The following GTF2F2 variants were observed in gnomAD, a reference collection of about 807,000 sequenced individuals.
The protein encoded by GTF2F2 is general transcription factor IIF subunit 2.
In GTF2F2, 23 loss-of-function variants were observed where a neutral mutation model predicts 42.2. That is an observed-to-expected ratio of 0.55 (90% CI 0.39 to 0.77). The LOEUF (loss-of-function observed/expected upper bound fraction) is 0.77, where lower values mean the gene tolerates loss of function less well. GTF2F2 is among the 30% of genes least tolerant of loss of function. The probability of loss-of-function intolerance (pLI) is 0.00; values close to 1 mark genes in which losing one functional copy is unlikely to be tolerated. For synonymous variants in GTF2F2, 105 were observed against 100.8 expected, an observed-to-expected ratio of 1.04 and a Z score of -0.25; for missense variants, 261 against 287.2, an observed-to-expected ratio of 0.91 and a Z score of 0.66.
chr13:45,163,649 C>T (rs1871137663), intron 4 of GTF2F2, among the ~76,000 whole-genome samples: 1 of 152,032 alleles, frequency 6.6e-6, no homozygotes. Flanking sequence ...TTGGCTTTTT[C>T]AAATAACATT....
chr13:45,265,972 C>G (rs1876544363), intron 6 of GTF2F2, among the ~76,000 whole-genome samples: 1 of 152,066 alleles, frequency 6.6e-6, no homozygotes, highest in African/African-American at 2.4e-5. Flanking sequence ...GTGAAGTGTT[C>G]CTAAAAAGAA....
chr13:45,224,443 G>A (rs952962460), intron 5 of GTF2F2, among the ~76,000 whole-genome samples: 1 of 152,204 alleles, frequency 6.6e-6, no homozygotes, highest in Non-Finnish European at 1.5e-5. Flanking sequence ...GAGCTGTCAT[G>A]TTTGGCCCTG....
intron 4 of GTF2F2, among the ~76,000 whole-genome samples, chr13:45,203,407 G>A (rs1174735321): frequency 2.6e-5 from 4 of 151,952 alleles, no homozygotes; most frequent in East Asian, 3.9e-4. Flanking sequence ...TTAGATTTTC[G>A]ATTTTGGTTT....
At chr13:45,267,949 C>T (rs1027245366) in intron 7 of GTF2F2, among the ~76,000 whole-genome samples, 13 of 151,332 alleles carry the variant, frequency 8.6e-5, no homozygotes, top group South Asian at 2.1e-4. Flanking sequence ...TTAACAAATT[C>T]GTATTTTAGA....
At chr13:45,167,589 G>A (rs1351458543) in intron 4 of GTF2F2, among the ~76,000 whole-genome samples, 3 of 151,954 alleles carry the variant, frequency 2.0e-5, no homozygotes, top group Non-Finnish European at 4.4e-5. Flanking sequence ...TAGTAGAGAT[G>A]GGGTTCTACC....
chr13:45,194,507 G>A, intron 4 of GTF2F2: 1 of 1,614,058 alleles, frequency 6.2e-7, no homozygotes. Context: ...GTATCTTCCA[G>A]GCTGTTGTGT....
At chr13:45,129,868 A>T (rs572230269) in intron 1 of GTF2F2, among the ~76,000 whole-genome samples, 1 of 152,380 alleles carries the variant, frequency 6.6e-6, no homozygotes, top group Admixed American at 6.5e-5. Context: ...GCTATTTTAA[A>T]TAGGGCAGGA....
intron 1 of GTF2F2, among the ~76,000 whole-genome samples, chr13:45,122,357 T>C (rs1414986144): frequency 6.6e-6 from 1 of 152,110 alleles, no homozygotes. Context: ...AGGATCGGGC[T>C]GGGCATGGTG....
At chr13:45,150,080 A>G (rs1048415151) in intron 3 of GTF2F2, among the ~76,000 whole-genome samples, 4 of 152,244 alleles carry the variant, frequency 2.6e-5, no homozygotes, top group Admixed American at 2.6e-4. Context: ...TCAGTGTGAC[A>G]AAGGCATTTG....
intron 4 of GTF2F2, among the ~76,000 whole-genome samples, chr13:45,204,284 G>T (rs7984902): frequency 6.6e-6 from 1 of 152,014 alleles, no homozygotes; most frequent in Admixed American, 6.5e-5. Context: ...GCCACAGAAC[G>T]TTTAAGAAAG....
At chr13:45,255,264 G>C (rs1876057133) in intron 6 of GTF2F2, among the ~76,000 whole-genome samples, 2 of 149,764 alleles carry the variant, frequency 1.3e-5, no homozygotes, top group African/African-American at 4.9e-5. Context: ...TATGATATTT[G>C]AATGGTTATT....
intron 5 of GTF2F2, among the ~76,000 whole-genome samples, chr13:45,222,367 C>T (rs1232331713): frequency 6.6e-6 from 1 of 152,010 alleles, no homozygotes; most frequent in Non-Finnish European, 1.5e-5. Flanking sequence ...TTAACAAGGG[C>T]CCTTCCCTTG....
At chr13:45,247,038 CAAAA>C (rs752175151) in intron 5 of GTF2F2, among the ~76,000 whole-genome samples, 3 of 69,716 alleles carry the variant, frequency 4.3e-5, no homozygotes, top group Admixed American at 1.7e-4. Flanking sequence ...GACTCTGTCT[CAAAA>C]AAAAAAAAAA....
chr13:45,222,473 T>A (rs1402997972), intron 5 of GTF2F2, among the ~76,000 whole-genome samples: 2 of 152,210 alleles, frequency 1.3e-5, no homozygotes, highest in Non-Finnish European at 2.9e-5. Flanking sequence ...AGAAGCCCCC[T>A]TCTCTTTAAA....
intron 7 of GTF2F2, among the ~76,000 whole-genome samples, chr13:45,269,602 C>CATGA (rs936190317): frequency 6.6e-6 from 1 of 152,122 alleles, no homozygotes; most frequent in Non-Finnish European, 1.5e-5. Flanking sequence ...TCTATTCTAG[C>CATGA]ATGAAGATCA....
At chr13:45,271,366 C>T (rs1876785594) in intron 7 of GTF2F2, among the ~76,000 whole-genome samples, 1 of 151,182 alleles carries the variant, frequency 6.6e-6, no homozygotes, top group South Asian at 2.1e-4. Flanking sequence ...AGTCAGGATT[C>T]AGAGAAGTTT....
chr13:45,178,377 C>T (rs2138152886), intron 4 of GTF2F2, among the ~76,000 whole-genome samples: 1 of 143,982 alleles, frequency 6.9e-6, no homozygotes, highest in Admixed American at 6.9e-5. Flanking sequence ...TTATGTGGTT[C>T]TTTTTTGAAT....
intron 1 of GTF2F2, among the ~76,000 whole-genome samples, chr13:45,131,499 T>G (rs1869346240): frequency 6.6e-6 from 1 of 152,116 alleles, no homozygotes; most frequent in Non-Finnish European, 1.5e-5. Flanking sequence ...TGTGATCAGT[T>G]TCAGTGGAGT....
intron 4 of GTF2F2, among the ~76,000 whole-genome samples, chr13:45,169,465 C>A (rs775816507): frequency 3.9e-5 from 6 of 152,186 alleles, no homozygotes; most frequent in Admixed American, 6.5e-5. Flanking sequence ...AAATACCTTC[C>A]TGTTGCTTAA....
Sources: gnomAD v4.1 joint callset for allele counts (sites outside exome capture counted in the v4.1 genomes callset) on GRCh38, gnomAD v4.1.1 for gene constraint, MANE v1.5 for transcripts, NCBI Gene and HGNC (gene_info 2026-07-23, HGNC 2026-07-21) for gene names.